The following NRCAM variants were observed in gnomAD, a reference collection of about 807,000 sequenced individuals.
NRCAM encodes NgCAM-related cell adhesion molecule.
In NRCAM, 83 loss-of-function variants were observed where a neutral mutation model predicts 156.5. The ratio of observed to expected loss-of-function variants is 0.53; its 90% CI spans 0.44 to 0.64. The LOEUF (loss-of-function observed/expected upper bound fraction) is 0.64, where lower values mean the gene tolerates loss of function less well. Among genes scored for constraint, NRCAM ranks in the 30% least tolerant of loss-of-function variants. The pLI, the probability that NRCAM is intolerant of heterozygous loss-of-function variation, is 0.00. For missense variants in NRCAM, 1,417 were observed against 1,597.3 expected, an observed-to-expected ratio of 0.89 and a Z score of 1.92; for synonymous variants, 538 against 563.9, an observed-to-expected ratio of 0.95 and a Z score of 0.65.
At chr7:108,432,296 C>A (rs996516464) in intron 1 of NRCAM, among the ~76,000 whole-genome samples, 2 of 152,208 alleles carry the variant, frequency 1.3e-5, no homozygotes, top group Admixed American at 6.5e-5. Context: ...ATGGCTATTT[C>A]CACTGACTCT....
intron 32 of NRCAM, among the ~76,000 whole-genome samples, chr7:108,153,185 GA>G (rs1375818144): frequency 6.6e-6 from 1 of 152,026 alleles, no homozygotes; most frequent in Non-Finnish European, 1.5e-5. Context: ...GAACATAGAT[GA>G]AAAAACCCCA....
rs952034021 is a variant in NRCAM at position 108,187,308 on chromosome 7, G to A, written c.2035+2337C>T. On this transcript the variant is annotated intron_variant, in intron 20 of 32. Coordinates refer to ENST00000379028, the MANE Select transcript of NRCAM (RefSeq NM_001037132.4). ...TCTTCAGCTCTTTGACCTTCTCTCC[G>A]CCCTCACTTTCCCTTTTTCATTTCA... 3.3e-5 allele frequency among the ~76,000 whole-genome samples: 5 copies of A among 151,940 alleles called. No individual in the cohort carries two copies. In the South Asian group the frequency reaches 6.3e-4, roughly 19 times the overall value.
rs187041713 is a variant in NRCAM at position 108,149,896 on chromosome 7, A to G, written c.*14T>C. The G allele has an allele frequency of 2.4e-4, 387 of 1,597,408 alleles. No individual in the cohort carries two copies. In the African/African-American group the frequency reaches 4.6e-3, roughly 19 times the overall value. On this transcript the variant is annotated 3_prime_UTR_variant, in exon 33 of 33. Coordinates refer to ENST00000379028, the MANE Select transcript of NRCAM (RefSeq NM_001037132.4). ...CATTCTAGAGAAATGGAATATTGGC[A>G]AAGAGCTTAAAAATTAAACAAAGGA...
At chr7:108,263,921 AC>A (rs2096980235) in intron 3 of NRCAM, among the ~76,000 whole-genome samples, 1 of 152,184 alleles carries the variant, frequency 6.6e-6, no homozygotes, top group Non-Finnish European at 1.5e-5. Context: ...TGTTTTTAAA[AC>A]ATACCATAAT....
intron 1 of NRCAM, among the ~76,000 whole-genome samples, chr7:108,425,234 G>C (rs1815587795): frequency 6.6e-6 from 1 of 152,150 alleles, no homozygotes; most frequent in Non-Finnish European, 1.5e-5. Context: ...GATGGTAATG[G>C]AAGAGAATAA....
chr7:108,407,328 A>T (rs1175246597), intron 1 of NRCAM, among the ~76,000 whole-genome samples: 1 of 152,226 alleles, frequency 6.6e-6, no homozygotes. Context: ...AATATTGGAT[A>T]TTAATGTTAT....
chr7:108,256,679 C>A (rs1292307869), intron 3 of NRCAM, among the ~76,000 whole-genome samples: 1 of 152,108 alleles, frequency 6.6e-6, no homozygotes, highest in African/African-American at 2.4e-5. Context: ...AGGAGCCAGA[C>A]CCAAAAGACC....
At chr7:108,293,061 C>A (rs956203167) in intron 3 of NRCAM, among the ~76,000 whole-genome samples, 16 of 152,264 alleles carry the variant, frequency 1.1e-4, no homozygotes, top group Non-Finnish European at 1.5e-5. Flanking sequence ...AGAAATCTAA[C>A]AGAGGTCAAC....
chr7:108,164,719 T>C (rs1431993362), intron 30 of NRCAM, among the ~76,000 whole-genome samples: 1 of 152,164 alleles, frequency 6.6e-6, no homozygotes, highest in Non-Finnish European at 1.5e-5. Context: ...GCTGGCAGCA[T>C]TTGCTCTTAC....
At chr7:108,279,692 G>C (rs1453771115) in intron 3 of NRCAM, among the ~76,000 whole-genome samples, 1 of 127,882 alleles carries the variant, frequency 7.8e-6, no homozygotes, top group Non-Finnish European at 1.6e-5. Context: ...CTCCCAAGTA[G>C]CTGGCACTAC....
At chr7:108,287,054 G>A (rs372801281) in intron 3 of NRCAM, among the ~76,000 whole-genome samples, 6 of 152,152 alleles carry the variant, frequency 3.9e-5, no homozygotes, top group Middle Eastern at 6.8e-3. Flanking sequence ...GCCATATGCC[G>A]AAGAATCATA....
At position 108,163,829 on chromosome 7, in the gene NRCAM, C is replaced by T. The variant is rs181918758; in HGVS notation, c.3466+3092G>A. Reference sequence around the variant, plus strand: ...GGGTGGCGGTAATGAGAGGTCATACCGGGTGGGGTGGCGGTAATGAGAGGT... The same window carrying T: ...GGGTGGCGGTAATGAGAGGTCATACTGGGTGGGGTGGCGGTAATGAGAGGT... On this transcript the variant is annotated intron_variant, in intron 30 of 32. Coordinates refer to ENST00000379028, the MANE Select transcript of NRCAM (RefSeq NM_001037132.4). Among the ~76,000 whole-genome samples the T allele has an allele frequency of 2.3e-4, 17 of 73,978 alleles. No homozygotes were observed. The East Asian group carries it at 6.5e-3, about 28-fold the overall frequency. 48.5% of individuals were successfully genotyped at this position (73,978 alleles called of 152,430 possible).
At chr7:108,299,105 CA>C (rs1292917918) in intron 3 of NRCAM, among the ~76,000 whole-genome samples, 3 of 16,952 alleles carry the variant, frequency 1.8e-4, no homozygotes, top group Non-Finnish European at 2.3e-4. Context: ...GACTCCATCT[CA>C]AAAAAAAAAA....
rs146338018 is a variant in NRCAM, at chr7:108,225,121, A to G, written c.778+524T>C. Among the ~76,000 whole-genome samples, 9 of 152,332 alleles carry G rather than the reference A, an allele frequency of 5.9e-5. No individual in the cohort carries two copies. In the East Asian group the frequency reaches 1.7e-3, roughly 29 times the overall value. ...CTTTTAAAAAGATTACTTCCATTGA[A>G]GACAGTGACTTGGTTTGACTTACTT... On this transcript the variant is annotated intron_variant, in intron 10 of 32. Coordinates refer to ENST00000379028, the MANE Select transcript of NRCAM (RefSeq NM_001037132.4).
intron 3 of NRCAM, among the ~76,000 whole-genome samples, chr7:108,271,410 C>CA (rs2097343415): frequency 6.6e-6 from 1 of 152,116 alleles, no homozygotes; most frequent in African/African-American, 2.4e-5. Context: ...TAGAACCTAA[C>CA]AAAGTGACCA....
At chr7:108,175,988 A>G (rs999999797) in intron 27 of NRCAM, among the ~76,000 whole-genome samples, 11 of 151,962 alleles carry the variant, frequency 7.2e-5, no homozygotes, top group African/African-American at 2.7e-4. Flanking sequence ...GAACTAGAAA[A>G]TTTTTTCCAG....
intron 32 of NRCAM, among the ~76,000 whole-genome samples, chr7:108,154,366 T>G (rs1335947869): frequency 9.9e-5 from 15 of 152,196 alleles, no homozygotes; most frequent in Non-Finnish European, 5.9e-5. Flanking sequence ...CATAGAAATA[T>G]AAGACTTTTA....
chr7:108,349,876 A>G (rs2099399112), intron 2 of NRCAM, among the ~76,000 whole-genome samples: 1 of 152,200 alleles, frequency 6.6e-6, no homozygotes, highest in African/African-American at 2.4e-5. Context: ...AAAACCCTCT[A>G]ATAGCATCAC....
intron 1 of NRCAM, among the ~76,000 whole-genome samples, chr7:108,421,464 T>C (rs777164161): frequency 3.9e-5 from 6 of 152,116 alleles, no homozygotes; most frequent in Non-Finnish European, 7.4e-5. Flanking sequence ...GAAATGTAAT[T>C]CAAACCTGTA....
Sources: gnomAD v4.1 joint callset for allele counts (sites outside exome capture counted in the v4.1 genomes callset) on GRCh38, gnomAD v4.1.1 for gene constraint, MANE v1.5 for transcripts, NCBI Gene and HGNC (gene_info 2026-07-23, HGNC 2026-07-21) for gene names.